Variants in PCGF6 observed in about 807,000 individuals in gnomAD.
PCGF6 encodes polycomb group RING finger protein 6.
Under a neutral mutation model 45.5 loss-of-function variants are expected in PCGF6, and 24 were observed. The observed-to-expected ratio is 0.53, with a 90% CI of 0.38 to 0.74. PCGF6 has a LOEUF of 0.74. PCGF6 is among the 30% of genes least tolerant of loss of function. The pLI is 0.00. For synonymous variants in PCGF6, 152 were observed against 162.1 expected, an observed-to-expected ratio of 0.94 and a Z score of 0.47; for missense variants, 356 against 443.2, an observed-to-expected ratio of 0.80 and a Z score of 1.77.
chr10:103,305,263 G>A (rs913880339), intron 9 of PCGF6, among the ~76,000 whole-genome samples: 6 of 150,524 alleles, frequency 4.0e-5, no homozygotes, highest in Non-Finnish European at 8.9e-5. Context: ...TGTGAGGCAC[G>A]CATCCAGCCC....
intron 6 of PCGF6, among the ~76,000 whole-genome samples, chr10:103,335,583 G>C (rs532142750): frequency 1.8e-4 from 27 of 151,924 alleles, no homozygotes; most frequent in Admixed American, 9.2e-4. Flanking sequence ...GGATGGCCTC[G>C]ATCTCTTGAT....
chr10:103,336,954 T>C (rs1475254332), intron 6 of PCGF6, among the ~76,000 whole-genome samples: 1 of 152,218 alleles, frequency 6.6e-6, no homozygotes, highest in Non-Finnish European at 1.5e-5. Flanking sequence ...GTCATAGTTT[T>C]GCCTTCTGGT....
chr10:103,327,589 G>A (rs2093223542), intron 7 of PCGF6, among the ~76,000 whole-genome samples: 1 of 152,178 alleles, frequency 6.6e-6, no homozygotes, highest in Middle Eastern at 3.4e-3. Context: ...TATTGGAGTG[G>A]TGTGTACATG....
rs2093124127 is a variant in PCGF6 at position 103,302,866 on chromosome 10, T to C, written c.*1039A>G. ...CAATTCACAAATTCTTTACAAAGAA[T>C]TGCCAATCTTTTTCCAATTTTGTAG... On this transcript the variant is annotated 3_prime_UTR_variant, in exon 10 of 10. Coordinates refer to ENST00000369847, the MANE Select transcript of PCGF6 (RefSeq NM_001011663.2). 1 of 152,212 alleles carries C rather than the reference T, an allele frequency of 6.6e-6. No homozygotes were observed. Among genetic ancestry groups the C allele is most frequent in the Non-Finnish European group, 1.5e-5 (1 of 68,042 alleles). The allele number at this position is 152,212 out of a possible 1,614,324, so 9.4% of individuals were successfully genotyped here.
intron 9 of PCGF6, among the ~76,000 whole-genome samples, chr10:103,310,787 A>T (rs1054613058): frequency 3.3e-5 from 5 of 152,000 alleles, no homozygotes; most frequent in African/African-American, 1.2e-4. Flanking sequence ...CTGCAACCTC[A>T]ACCTCTCGGG....
chr10:103,322,183 C>T (rs1383268902), intron 8 of PCGF6, among the ~76,000 whole-genome samples: 1 of 151,868 alleles, frequency 6.6e-6, no homozygotes, highest in Non-Finnish European at 1.5e-5. Context: ...GGGTGAGCCA[C>T]CTTGCCTGGC....
At chr10:103,335,523 C>T (rs1311500474) in intron 6 of PCGF6, among the ~76,000 whole-genome samples, 3 of 152,168 alleles carry the variant, frequency 2.0e-5, no homozygotes, top group African/African-American at 4.8e-5. Flanking sequence ...CCACCACACC[C>T]GGCTAATTTT....
At chr10:103,320,312 G>A (rs1044926969) in intron 8 of PCGF6, among the ~76,000 whole-genome samples, 1 of 152,142 alleles carries the variant, frequency 6.6e-6, no homozygotes, top group African/African-American at 2.4e-5. Flanking sequence ...GTAACCCTGA[G>A]ACACTGGAGT....
At chr10:103,318,886 T>C (rs2093186114) in intron 8 of PCGF6, among the ~76,000 whole-genome samples, 1 of 152,234 alleles carries the variant, frequency 6.6e-6, no homozygotes, top group Non-Finnish European at 1.5e-5. Context: ...AAAGGCCAGC[T>C]TTGTAAGCAG....
intron 6 of PCGF6, among the ~76,000 whole-genome samples, chr10:103,340,007 CAAAAAA>C (rs60211186): frequency 1.7e-5 from 1 of 60,176 alleles, no homozygotes; most frequent in Non-Finnish European, 2.9e-5. Flanking sequence ...ACTAAAAATA[CAAAAAA>C]AAAAAAAAAA....
intron 5 of PCGF6, among the ~76,000 whole-genome samples, chr10:103,346,244 C>A (rs1292928697): frequency 6.6e-6 from 1 of 151,262 alleles, no homozygotes; most frequent in Non-Finnish European, 1.5e-5. Context: ...GTAATCCTAG[C>A]ACTTTGGGAG....
chr10:103,312,084 C>CAAAAA (rs1225426465), intron 9 of PCGF6, among the ~76,000 whole-genome samples: 1 of 47,236 alleles, frequency 2.1e-5, no homozygotes. Context: ...ACTCTGTCTC[C>CAAAAA]AAAAAAAAAA....
chr10:103,326,606 A>C lies in PCGF6; in HGVS notation c.837T>G (p.Val279=), dbSNP rs765178393. The change falls in exon 8 of 10, where the codon GTT becomes GTG. Residue 279 remains valine (V), a synonymous_variant. Transcript: ENST00000369847. The stretch of plus-strand genomic sequence containing the variant: ...CATGTCCAATAGTTGCTTCTCCTGA[A>C]ACTCGAACAAACTTCTTTTCCAATG... ...FKPLEKKFVR[V]SGEATIGHVE... 1.2e-6 allele frequency: 2 copies of C among 1,608,534 alleles called. No individual in the cohort carries two copies. The highest frequency in any genetic ancestry group is 1.7e-6 in the Non-Finnish European group (2 of 1,178,916).
rs551385431 is a variant in PCGF6 at position 103,311,205 on chromosome 10, G to A, written c.996+2981C>T. Among the ~76,000 whole-genome samples the A allele has an allele frequency of 2.0e-5, 3 of 152,100 alleles. 1 individual carries two copies. The highest frequency in any genetic ancestry group is 7.2e-5 in the African/African-American group (3 of 41,496). On this transcript the variant is annotated intron_variant, in intron 9 of 9. Coordinates refer to ENST00000369847, the MANE Select transcript of PCGF6 (RefSeq NM_001011663.2). ...CGTCCAGGCTGATGTGCAGTAGTGC[G>A]ATCTTGGCTCACCGCAAACTCTGCC... is the stretch of plus-strand genomic sequence containing the variant.
At chr10:103,317,983 C>T (rs1302976086) in intron 8 of PCGF6, among the ~76,000 whole-genome samples, 1 of 151,104 alleles carries the variant, frequency 6.6e-6, no homozygotes, top group Non-Finnish European at 1.5e-5. Context: ...TCTCGAACTC[C>T]CGAACTCAGG....
intron 5 of PCGF6, among the ~76,000 whole-genome samples, chr10:103,346,583 C>T (rs1375472366): frequency 1.3e-5 from 2 of 152,170 alleles, no homozygotes; most frequent in African/African-American, 4.8e-5. Context: ...AAGATCATGC[C>T]ACTGCACTCC....
At chr10:103,321,144 C>T (rs1307717302) in intron 8 of PCGF6, among the ~76,000 whole-genome samples, 2 of 152,108 alleles carry the variant, frequency 1.3e-5, no homozygotes, top group Admixed American at 6.6e-5. Flanking sequence ...GAGCCAAGAG[C>T]TGACAAAGAA....
chr10:103,332,932 T>C (rs1353958590), intron 7 of PCGF6, among the ~76,000 whole-genome samples: 1 of 151,958 alleles, frequency 6.6e-6, no homozygotes, highest in Non-Finnish European at 1.5e-5. Flanking sequence ...CTGGCCAACA[T>C]GGTGAAACAC....
At chr10:103,333,826 A>G in intron 7 of PCGF6, 99 bp downstream of exon 7, 2 of 792,156 alleles carry the variant, frequency 2.5e-6, no homozygotes, top group Non-Finnish European at 3.9e-6. Flanking sequence ...TCATATTTAA[A>G]TAACTTATTT....
Sources: gnomAD v4.1 joint callset for allele counts (sites outside exome capture counted in the v4.1 genomes callset) on GRCh38, gnomAD v4.1.1 for gene constraint, MANE v1.5 for transcripts, NCBI Gene and HGNC (gene_info 2026-07-23, HGNC 2026-07-21) for gene names.